The following RTN3 variants were observed in gnomAD, a reference collection of about 807,000 sequenced individuals.
RTN3 encodes the protein reticulon 3.
In RTN3, 49 loss-of-function variants were observed where a neutral mutation model predicts 77.8. The ratio of observed to expected loss-of-function variants is 0.63; its 90% CI spans 0.50 to 0.80. The LOEUF (loss-of-function observed/expected upper bound fraction) is 0.80. RTN3 is among the 30% of genes least tolerant of loss of function. The pLI, the probability that RTN3 is intolerant of heterozygous loss-of-function variation, is 0.00. For synonymous variants in RTN3, 464 were observed against 446.9 expected, an observed-to-expected ratio of 1.04 and a Z score of -0.48; for missense variants, 1,236 against 1,211.9, an observed-to-expected ratio of 1.02 and a Z score of -0.29.
Position 63,758,441 on chromosome 11 carries a change from A to T in RTN3, c.*240A>T. 1 of 1,097,420 alleles carries T rather than the reference A, an allele frequency of 9.1e-7. No individual in the cohort carries two copies. Among genetic ancestry groups the T allele is most frequent in the Non-Finnish European group, 1.3e-6 (1 of 770,454 alleles). The allele number at this position is 1,097,420 out of a possible 1,614,324, so 68.0% of individuals were successfully genotyped here. ...AAGAAGAAAGAATCAAATTCATAGGATAAGTCAATACCTTAATGGTGGTAG... is the reference window on the plus strand; with the variant it reads ...AAGAAGAAAGAATCAAATTCATAGGTTAAGTCAATACCTTAATGGTGGTAG... On this transcript the variant is annotated 3_prime_UTR_variant, in exon 9 of 9. Coordinates refer to ENST00000377819, the MANE Select transcript of RTN3 (RefSeq NM_001265589.2).
intron 2 of RTN3, among the ~76,000 whole-genome samples, chr11:63,709,567 C>A (rs1470555294): frequency 6.6e-6 from 1 of 151,114 alleles, no homozygotes; most frequent in Non-Finnish European, 1.5e-5. Context: ...ATAAATTTGC[C>A]AGTTACAGCC....
intron 7 of RTN3, 109 bp downstream of exon 7, chr11:63,753,817 C>A: frequency 9.8e-7 from 1 of 1,022,296 alleles, no homozygotes; most frequent in Non-Finnish European, 1.5e-6. Context: ...ACTATTTCTA[C>A]AATCTAATTT....
intron 7 of RTN3, 128 bp from the exon 8 acceptor site, chr11:63,755,984 G>T: frequency 1.5e-6 from 1 of 663,072 alleles, no homozygotes; most frequent in Non-Finnish European, 2.7e-6. Flanking sequence ...TTAAAAACTG[G>T]GTGTTTTCAT....
At chr11:63,691,948 G>A (rs1191671993) in intron 1 of RTN3, among the ~76,000 whole-genome samples, 3 of 152,240 alleles carry the variant, frequency 2.0e-5, no homozygotes, top group East Asian at 1.9e-4. Flanking sequence ...GTTACACTCC[G>A]TAAATGCTGA....
intron 4 of RTN3, among the ~76,000 whole-genome samples, chr11:63,751,239 A>C (rs1197221235): frequency 6.6e-6 from 1 of 152,236 alleles, no homozygotes; most frequent in Non-Finnish European, 1.5e-5. Flanking sequence ...ATGGGGTTCC[A>C]AGTGCATGTT....
At chr11:63,700,972 C>G (rs1942208852) in intron 1 of RTN3, among the ~76,000 whole-genome samples, 1 of 151,820 alleles carries the variant, frequency 6.6e-6, no homozygotes, top group East Asian at 1.9e-4. Flanking sequence ...CGCCTGTAGT[C>G]CCAGCTACTC....
chr11:63,715,705 C>T (rs551495340), intron 2 of RTN3, among the ~76,000 whole-genome samples: 2 of 152,196 alleles, frequency 1.3e-5, no homozygotes, highest in South Asian at 2.1e-4. Flanking sequence ...GCTGAACCTC[C>T]CCTGTGGGGT....
chr11:63,733,843 A>T (rs1292726180), intron 3 of RTN3, among the ~76,000 whole-genome samples: 2 of 151,778 alleles, frequency 1.3e-5, no homozygotes, highest in Non-Finnish European at 2.9e-5. Flanking sequence ...GTGAGCCATG[A>T]TTGTACAACT....
Position 63,745,983 on chromosome 11 carries a change from G to C in RTN3, c.2531-4008G>C, listed in dbSNP as rs653841. ...GCACCACCATGCCTGGCTAATTTTT[G>C]TATTTTTAGTAGAGACAGGGTTTCG... On this transcript the variant is annotated intron_variant, in intron 3 of 8. Transcript: ENST00000377819. Among the ~76,000 whole-genome samples, 1,004 of 152,206 alleles carry C rather than the reference G, an allele frequency of 6.6e-3. 11 individuals are homozygous for C. Among genetic ancestry groups the C allele is most frequent in the African/African-American group, 0.023 (950 of 41,550 alleles).
chr11:63,704,337 T>C (rs1161326860), intron 1 of RTN3, among the ~76,000 whole-genome samples: 5 of 152,144 alleles, frequency 3.3e-5, no homozygotes. Flanking sequence ...AGATTTCTCA[T>C]GTAGTCCTGT....
chr11:63,740,748 A>C (rs1427356823), intron 3 of RTN3, among the ~76,000 whole-genome samples: 1 of 152,086 alleles, frequency 6.6e-6, no homozygotes, highest in East Asian at 1.9e-4. Context: ...CTTACTGGCA[A>C]CAAAGAGGAA....
At chr11:63,711,793 A>G (rs2011166389) in intron 2 of RTN3, among the ~76,000 whole-genome samples, 1 of 152,074 alleles carries the variant, frequency 6.6e-6, no homozygotes, top group Non-Finnish European at 1.5e-5. Flanking sequence ...CGAGATCCCA[A>G]CCTCAGGTGA....
chr11:63,707,982 G>A (rs1942579668), intron 2 of RTN3, among the ~76,000 whole-genome samples: 2 of 152,208 alleles, frequency 1.3e-5, no homozygotes, highest in South Asian at 4.1e-4. Context: ...CAGTCTAGAG[G>A]TTAGCCTGTT....
chr11:63,735,717 A>G (rs1388184423), intron 3 of RTN3, among the ~76,000 whole-genome samples: 1 of 152,068 alleles, frequency 6.6e-6, no homozygotes, highest in African/African-American at 2.4e-5. Context: ...TTTAGTAAAG[A>G]TGGAGTTTTG....
intron 1 of RTN3, among the ~76,000 whole-genome samples, chr11:63,700,996 A>G (rs112936705): frequency 0.09 from 13,637 of 151,326 alleles, 807 homozygotes; most frequent in Non-Finnish European, 0.14. Context: ...AGGCTGAGGC[A>G]GGAGAATCGC....
chr11:63,756,091 AT>A lies in RTN3; in HGVS notation c.2995-18del, dbSNP rs1199329157. The A allele has an allele frequency of 8.2e-6, 13 of 1,594,746 alleles. No individual in the cohort carries two copies. Among genetic ancestry groups the A allele is most frequent in the Non-Finnish European group, 1.1e-5 (13 of 1,162,506 alleles). On this transcript the variant is annotated intron_variant, in intron 7 of 8. Transcript: ENST00000377819. ...GTGATCTGTATGTTACCACAACTGA[AT>A]TTATTTTCCTTCCTTAAAGACCCAG...
chr11:63,696,548 T>TC (rs1941949763), intron 1 of RTN3, among the ~76,000 whole-genome samples: 1 of 144,900 alleles, frequency 6.9e-6, no homozygotes, highest in Non-Finnish European at 1.5e-5. Context: ...TCACTATTTT[T>TC]TTTTTTTTTT....
chr11:63,750,189 A>G lies in RTN3; in HGVS notation c.2729A>G (p.His910Arg). 1 of 1,611,612 alleles carries G rather than the reference A, an allele frequency of 6.2e-7. No homozygotes were observed. The highest frequency in any genetic ancestry group is 2.2e-5 in the East Asian group (1 of 44,880). The change falls in exon 4 of 9, where the codon CAT (histidine) becomes CGT (arginine). Residue 910 changes from histidine (H) to arginine (R), a missense_variant. His to Arg is a conservative substitution (Grantham distance 29). Around this residue, in one of 3 missense-constraint regions of RTN3, gnomAD observed 141 missense variants for 154.9 expected, o/e 0.91. Coordinates refer to ENST00000377819, the MANE Select transcript of RTN3 (RefSeq NM_001265589.2). ...GCTGTACAGAAGTCAGAAGAAGGCCATCCATTCAAGTGAGTTGAAGTCTTA... is the reference window on the plus strand; with the variant it reads ...GCTGTACAGAAGTCAGAAGAAGGCCGTCCATTCAAGTGAGTTGAAGTCTTA... ...IQAVQKSEEGHPFKAYLDVDI... is the reference protein window; with the variant it reads ...IQAVQKSEEGRPFKAYLDVDI...
chr11:63,752,893 C>T lies in RTN3; in HGVS notation c.2878-176C>T, dbSNP rs2075700. On this transcript the variant is annotated intron_variant, in intron 5 of 8. Coordinates refer to ENST00000377819, the MANE Select transcript of RTN3 (RefSeq NM_001265589.2). ...TCTTTGGACCTCAGAAAACTACAGA[C>T]TTCACTCACATACCTTCAAATGTAT... 7.3e-3 allele frequency among the ~76,000 whole-genome samples: 1,109 copies of T among 152,262 alleles called. 33 individuals carry two copies. In the East Asian group the frequency reaches 0.11, roughly 15 times the overall value.
Sources: allele counts gnomAD v4.1 joint callset (sites outside exome capture counted in the v4.1 genomes callset), GRCh38; gene constraint gnomAD v4.1.1; regional missense constraint gnomAD v4.1.1; transcripts MANE v1.5; gene names NCBI Gene and HGNC (gene_info 2026-07-23, HGNC 2026-07-21).